Variants in ZNF184 observed in about 807,000 individuals in gnomAD.
ZNF184 encodes the protein zinc finger protein 184, also known as zinc finger protein 184 (Kruppel-like).
In ZNF184, 16 loss-of-function variants were observed where a neutral mutation model predicts 54.4. That is an observed-to-expected ratio of 0.29 (90% CI 0.20 to 0.45). The LOEUF (loss-of-function observed/expected upper bound fraction) is 0.45, where lower values mean the gene tolerates loss of function less well. Among genes scored for constraint, ZNF184 ranks in the 20% least tolerant of loss-of-function variants. ZNF184 has a pLI of 1.00. For missense variants in ZNF184, 681 were observed against 888.2 expected, an observed-to-expected ratio of 0.77 and a Z score of 2.97; for synonymous variants, 254 against 295.3, an observed-to-expected ratio of 0.86 and a Z score of 1.43.
the ZNF184 span, among the ~76,000 whole-genome samples, chr6:27,426,363 T>C: frequency 6.6e-6 from 1 of 152,206 alleles, no homozygotes; most frequent in African/African-American, 2.4e-5. The surrounding 1 kb of genome is among the most constrained non-coding windows in gnomAD (Gnocchi z 4.2). Flanking sequence ...CGGCCTGTGC[T>C]TTTCTCCTCC....
chr6:27,459,608 C>G lies in ZNF184; in HGVS notation c.76-2199G>C, dbSNP rs946187604. On this transcript the variant is annotated intron_variant, in intron 3 of 5. Coordinates refer to ENST00000683788, the MANE Select transcript of ZNF184 (RefSeq NM_001318891.2). ...GCAATCTATCTGGGGGGCAATCTGA[C>G]AAGATCTATCAAAACTTTAATGGAT... Among the ~76,000 whole-genome samples, 5 of 152,146 alleles carry G rather than the reference C, an allele frequency of 3.3e-5. 1 individual carries two copies. The highest frequency in any genetic ancestry group is 3.3e-4 in the Admixed American group (5 of 15,272).
Position 27,457,406 on chromosome 6 carries a change from C to T in ZNF184, c.79G>A (p.Ala27Thr), listed in dbSNP as rs1883216. 1 of 1,613,262 alleles carries T rather than the reference C, an allele frequency of 6.2e-7. No individual in the cohort carries two copies. Reference protein sequence around the residue: ...NLLSSASFQEAVTFKDVIVDF... With the variant: ...NLLSSASFQETVTFKDVIVDF... ...ACTATCACATCCTTGAAAGTCACCG[C>T]TTCCTGAAATACCAAACATATTTCT... Residue 27 changes from alanine (A) to threonine (T), a missense_variant, in exon 4 of 6, where the codon GCG becomes ACG. Coordinates refer to ENST00000683788, the MANE Select transcript of ZNF184 (RefSeq NM_001318891.2).
At chr6:27,432,038 GA>G in the ZNF184 span, among the ~76,000 whole-genome samples, 3,589 of 152,254 alleles carry the variant, frequency 0.024, 65 homozygotes, top group Non-Finnish European at 0.04. The surrounding 1 kb of genome is among the most constrained non-coding windows in gnomAD (Gnocchi z 4.0). Context: ...GTGGTTAGGG[GA>G]TGGGACTGGG....
At chr6:27,428,714 C>T in the ZNF184 span, among the ~76,000 whole-genome samples, 2 of 152,218 alleles carry the variant, frequency 1.3e-5, no homozygotes, top group Admixed American at 6.5e-5. The surrounding 1 kb of genome is among the most constrained non-coding windows in gnomAD (Gnocchi z 4.1). Context: ...AGGAAACCCA[C>T]GTTTCTAGTT....
intron 3 of ZNF184, among the ~76,000 whole-genome samples, chr6:27,459,225 G>C (rs1258677513): frequency 6.6e-6 from 1 of 152,150 alleles, no homozygotes; most frequent in African/African-American, 2.4e-5. Context: ...AAGTAGAAGA[G>C]AGGATTCGGA....
the ZNF184 span, among the ~76,000 whole-genome samples, chr6:27,433,323 A>AT: frequency 2.0e-5 from 3 of 152,068 alleles, no homozygotes; most frequent in Admixed American, 6.6e-5. Context: ...ACCCTATTTC[A>AT]TTTTCTTTAT....
chr6:27,408,733 G>A, the ZNF184 span, among the ~76,000 whole-genome samples: 1 of 152,132 alleles, frequency 6.6e-6, no homozygotes, highest in Non-Finnish European at 1.5e-5. Flanking sequence ...GAGAGATCTT[G>A]AATTTAAATG....
the ZNF184 span, among the ~76,000 whole-genome samples, chr6:27,422,148 AAAAGAAAGAAAG>A: frequency 4.7e-3 from 203 of 43,472 alleles, 9 homozygotes; most frequent in Admixed American, 0.013. Flanking sequence ...CTCAAAAAAA[AAAAGAAAGAAAG>A]AAAGAAAGAA....
chr6:27,444,795 T>C, the ZNF184 span, among the ~76,000 whole-genome samples: 2 of 152,220 alleles, frequency 1.3e-5, no homozygotes, highest in Non-Finnish European at 2.9e-5. Flanking sequence ...CTACCTCACA[T>C]GCTGCCTACC....
chr6:27,449,861 G>C (rs1450982398), downstream of ZNF184, among the ~76,000 whole-genome samples: 4 of 152,002 alleles, frequency 2.6e-5, no homozygotes, highest in African/African-American at 9.7e-5. Flanking sequence ...TATATGACTT[G>C]TATATTACAA....
chr6:27,416,773 T>G, the ZNF184 span, among the ~76,000 whole-genome samples: 1 of 152,210 alleles, frequency 6.6e-6, no homozygotes, highest in African/African-American at 2.4e-5. Flanking sequence ...ATTATTCACA[T>G]TTACATAGCA....
the ZNF184 span, among the ~76,000 whole-genome samples, chr6:27,423,723 A>AT: frequency 6.6e-6 from 1 of 152,320 alleles, no homozygotes; most frequent in East Asian, 1.9e-4. Context: ...AGATATTTAT[A>AT]TATCTATATA....
At chr6:27,455,649 C>T (rs1346624818) in intron 5 of ZNF184, among the ~76,000 whole-genome samples, 3 of 151,550 alleles carry the variant, frequency 2.0e-5, no homozygotes, top group African/African-American at 7.3e-5. Context: ...GGAGGCAGGG[C>T]GGGGGTTGGG....
At chr6:27,448,742 C>A (rs1457354247), downstream of ZNF184, among the ~76,000 whole-genome samples, 1 of 147,000 alleles carries the variant, frequency 6.8e-6, no homozygotes, top group Admixed American at 7.0e-5. Context: ...GCTCCAATGA[C>A]AAGTCATTAG....
chr6:27,443,183 C>T, the ZNF184 span, among the ~76,000 whole-genome samples: 1 of 152,210 alleles, frequency 6.6e-6, no homozygotes, highest in East Asian at 1.9e-4. Context: ...TTCTTCTTCT[C>T]TTGCATCTCT....
chr6:27,454,075 G>A (rs1263649812), intron 5 of ZNF184, among the ~76,000 whole-genome samples: 1 of 152,156 alleles, frequency 6.6e-6, no homozygotes, highest in Non-Finnish European at 1.5e-5. Flanking sequence ...TAAAACAACA[G>A]AAGAAACATA....
chr6:27,458,245 C>T (rs1419539464), intron 3 of ZNF184, among the ~76,000 whole-genome samples: 2 of 97,390 alleles, frequency 2.1e-5, no homozygotes, highest in African/African-American at 4.0e-5. Flanking sequence ...CAATGTAAAA[C>T]ATCTATAAGA....
At chr6:27,437,523 C>T in the ZNF184 span, among the ~76,000 whole-genome samples, 2 of 152,174 alleles carry the variant, frequency 1.3e-5, no homozygotes, top group Admixed American at 1.3e-4. Context: ...TTGATCAACA[C>T]CTTGATTTAA....
chr6:27,422,291 G>C, the ZNF184 span, among the ~76,000 whole-genome samples: 2 of 152,112 alleles, frequency 1.3e-5, no homozygotes, highest in African/African-American at 4.8e-5. Flanking sequence ...ACGACCTGAT[G>C]TTGGGGGTGA....
Sources: allele counts gnomAD v4.1 joint callset (sites outside exome capture counted in the v4.1 genomes callset), GRCh38; gene constraint gnomAD v4.1.1; non-coding constraint Gnocchi (gnomAD v3.1); transcripts MANE v1.5; gene names NCBI Gene and HGNC (gene_info 2026-07-23, HGNC 2026-07-21).